Variants in PPFIA2 observed in about 807,000 individuals in gnomAD.
PPFIA2 encodes liprin-alpha-2.
Under a neutral mutation model 175.5 loss-of-function variants are expected in PPFIA2, and 46 were observed. The observed-to-expected ratio is 0.26, with a 90% CI of 0.21 to 0.34. PPFIA2 has a LOEUF of 0.34. PPFIA2 is among the 10% of genes least tolerant of loss of function. The pLI, the probability that PPFIA2 is intolerant of heterozygous loss-of-function variation, is 1.00. For missense variants in PPFIA2, 1,179 were observed against 1,506.1 expected (o/e 0.78, Z 3.60); for synonymous variants, 568 against 511.4 (o/e 1.11, Z -1.49).
At chr12:81,688,507 A>T (rs1057169707) in intron 3 of PPFIA2, among the ~76,000 whole-genome samples, 10 of 151,832 alleles carry the variant, frequency 6.6e-5, no homozygotes, top group African/African-American at 2.4e-4. Flanking sequence ...CAAAATGCAA[A>T]CAAATAACTA....
chr12:81,415,571 T>A (rs1233649816), intron 7 of PPFIA2, among the ~76,000 whole-genome samples: 1 of 150,104 alleles, frequency 6.7e-6, no homozygotes, highest in East Asian at 2.0e-4. Flanking sequence ...TCAGTTAGTT[T>A]ATAATGATTA....
intron 3 of PPFIA2, among the ~76,000 whole-genome samples, chr12:81,732,107 G>A (rs544490089): frequency 6.6e-6 from 1 of 151,648 alleles, no homozygotes; most frequent in African/African-American, 2.4e-5. Flanking sequence ...TAAGGGCTCA[G>A]AAAATGTATC....
chr12:81,317,413 G>C (rs1013186243), intron 22 of PPFIA2, among the ~76,000 whole-genome samples: 2 of 151,514 alleles, frequency 1.3e-5, no homozygotes, highest in Admixed American at 6.6e-5. Flanking sequence ...TAGCTTAAGC[G>C]TGACTAACGG....
chr12:81,736,993 A>C (rs1415063665), intron 3 of PPFIA2, among the ~76,000 whole-genome samples: 1 of 151,988 alleles, frequency 6.6e-6, no homozygotes, highest in Non-Finnish European at 1.5e-5. Context: ...TGCTTATTAA[A>C]GTTGCAGACT....
intron 21 of PPFIA2, among the ~76,000 whole-genome samples, chr12:81,326,452 CT>C (rs2139823314): frequency 6.6e-6 from 1 of 152,190 alleles, no homozygotes; most frequent in South Asian, 2.1e-4. Context: ...ACTTCCAGAA[CT>C]CGATGTGTTC....
chr12:81,617,487 T>C (rs766314765), intron 4 of PPFIA2, among the ~76,000 whole-genome samples: 2 of 152,202 alleles, frequency 1.3e-5, no homozygotes, highest in Non-Finnish European at 2.9e-5. Flanking sequence ...ATTGTGTTTC[T>C]CCTGTTTCCA....
chr12:81,288,398 G>A lies in PPFIA2; in HGVS notation c.2926-4095C>T, dbSNP rs376244282. On this transcript the variant is annotated intron_variant, in intron 24 of 32. Coordinates refer to ENST00000549396, the MANE Select transcript of PPFIA2 (RefSeq NM_003625.5). ...TTGCTTGTCTCCCCTTAGTACCCATGGAATAGAACTTTGAGAAAGTATCAA... is the reference window on the plus strand; with the variant it reads ...TTGCTTGTCTCCCCTTAGTACCCATAGAATAGAACTTTGAGAAAGTATCAA... Among the ~76,000 whole-genome samples, 15 of 151,714 alleles carry A rather than the reference G, an allele frequency of 9.9e-5. No homozygotes were observed. The East Asian group carries it at 2.9e-3, about 29-fold the overall frequency.
At chr12:81,577,429 G>T (rs1282347145) in intron 4 of PPFIA2, among the ~76,000 whole-genome samples, 1 of 151,888 alleles carries the variant, frequency 6.6e-6, no homozygotes, top group Non-Finnish European at 1.5e-5. Context: ...ATTGGCAAAT[G>T]CCAGAGAGCA....
chr12:81,494,843 G>A (rs987158260), intron 4 of PPFIA2, among the ~76,000 whole-genome samples: 79 of 148,656 alleles, frequency 5.3e-4, no homozygotes, highest in Admixed American at 7.5e-4. Flanking sequence ...CTATCACAAG[G>A]ACAAAAAACC....
chr12:81,351,272 T>A (rs980631610), intron 17 of PPFIA2, among the ~76,000 whole-genome samples: 1 of 152,122 alleles, frequency 6.6e-6, no homozygotes, highest in Non-Finnish European at 1.5e-5. Context: ...GAAAATATAA[T>A]AAAGATATTT....
chr12:81,499,186 GC>G (rs1376467252), intron 4 of PPFIA2, among the ~76,000 whole-genome samples: 1 of 152,132 alleles, frequency 6.6e-6, no homozygotes, highest in East Asian at 1.9e-4. Flanking sequence ...TCTGTACCAT[GC>G]CCCTGTAATG....
At chr12:81,532,252 G>A (rs1448800220) in intron 4 of PPFIA2, among the ~76,000 whole-genome samples, 1 of 151,752 alleles carries the variant, frequency 6.6e-6, no homozygotes, top group Non-Finnish European at 1.5e-5. Flanking sequence ...CTTGGGTTGT[G>A]GGGTGGACAT....
chr12:81,409,661 G>T (rs2043557906), intron 7 of PPFIA2, among the ~76,000 whole-genome samples: 1 of 152,060 alleles, frequency 6.6e-6, no homozygotes, highest in South Asian at 2.1e-4. Flanking sequence ...AAATCATCCA[G>T]TCTGTGATAT....
At chr12:81,316,367 A>G (rs1157103425) in intron 22 of PPFIA2, among the ~76,000 whole-genome samples, 2 of 151,568 alleles carry the variant, frequency 1.3e-5, no homozygotes, top group African/African-American at 4.8e-5. Context: ...CTAGATTAAG[A>G]TGTCAGCATT....
chr12:81,690,801 G>A (rs547400622), intron 3 of PPFIA2, among the ~76,000 whole-genome samples: 8 of 152,198 alleles, frequency 5.3e-5, no homozygotes, highest in African/African-American at 1.9e-4. Context: ...AGACTTCAGA[G>A]GAGAATCCAT....
At chr12:81,712,216 A>G (rs907301174) in intron 3 of PPFIA2, among the ~76,000 whole-genome samples, 2 of 151,350 alleles carry the variant, frequency 1.3e-5, no homozygotes, top group African/African-American at 4.8e-5. Flanking sequence ...GTTTCACATA[A>G]CATTGGTCTC....
chr12:81,409,011 G>A (rs144084213), intron 7 of PPFIA2, among the ~76,000 whole-genome samples: 6 of 152,258 alleles, frequency 3.9e-5, no homozygotes, highest in East Asian at 3.9e-4. Flanking sequence ...TGGGTGTTAA[G>A]CATTTTCTTC....
rs2034636948 is a variant in PPFIA2 at position 81,259,454 on chromosome 12, A to G, written c.*240T>C. On this transcript the variant is annotated 3_prime_UTR_variant, in exon 33 of 33. Transcript: ENST00000549396. ...AGAGTTTATGATGTAGATGATGTTT[A>G]TTATTCAAATGACTTAAGCATTTTA... 1.5e-6 allele frequency: 1 copy of G among 665,946 alleles called. No individual in the cohort carries two copies. The highest frequency in any genetic ancestry group is 2.7e-6 in the Non-Finnish European group (1 of 375,622). The allele number at this position is 665,946 out of a possible 1,614,324, so 41.3% of individuals were successfully genotyped here. A position where few individuals can be genotyped will look rare whatever the true frequency, so the allele number is the denominator to read the frequency against.
intron 14 of PPFIA2, 133 bp downstream of exon 14, chr12:81,366,974 TA>T: frequency 4.7e-6 from 5 of 1,070,088 alleles, no homozygotes; most frequent in Non-Finnish European, 6.3e-6. Flanking sequence ...GCACATATTC[TA>T]AAAAGTTAAA....
Sources: gnomAD v4.1 joint callset for allele counts (sites outside exome capture counted in the v4.1 genomes callset) on GRCh38, gnomAD v4.1.1 for gene constraint, MANE v1.5 for transcripts, NCBI Gene and HGNC (gene_info 2026-07-23, HGNC 2026-07-21) for gene names.